GFPT1: variants seen among roughly 807,000 people sequenced by gnomAD.
The protein encoded by GFPT1 is glutamine--fructose-6-phosphate transaminase 1.
Under a neutral mutation model 92.0 loss-of-function variants are expected in GFPT1, and 40 were observed. The ratio of observed to expected loss-of-function variants is 0.43; its 90% CI spans 0.34 to 0.57. The LOEUF is 0.57. Among genes scored for constraint, GFPT1 ranks in the 20% least tolerant of loss-of-function variants. GFPT1 has a pLI of 0.02. For synonymous variants in GFPT1, 269 were observed against 280.6 expected, an observed-to-expected ratio of 0.96 and a Z score of 0.41; for missense variants, 448 against 869.1, an observed-to-expected ratio of 0.52 and a Z score of 6.09.
At position 69,337,926 on chromosome 2, in the gene GFPT1, C is replaced by A; in HGVS notation, c.1454G>T (p.Gly485Val). Reference protein sequence around the residue: ...ETDCGVHINAGPEIGVASTKA... With the variant: ...ETDCGVHINAVPEIGVASTKA... ...TGTACTGGCCACACCAATCTCAGGACCAGCATTAATATGAACTCCACAATC... is the reference window on the plus strand; with the variant it reads ...TGTACTGGCCACACCAATCTCAGGAACAGCATTAATATGAACTCCACAATC... Residue 485 changes from glycine to valine, a missense_variant, in exon 15 of 20, where the codon GGT (glycine) becomes GTT (valine). Physicochemically the swap from Gly to Val is moderately radical, Grantham distance 109. Coordinates refer to ENST00000357308, the MANE Select transcript of GFPT1 (RefSeq NM_001244710.2). The A allele has an allele frequency of 1.2e-6, 2 of 1,613,788 alleles. No homozygotes were observed. Among genetic ancestry groups the A allele is most frequent in the Non-Finnish European group, 1.7e-6 (2 of 1,179,752 alleles).
rs79075853 is a variant in GFPT1, at chr2:69,364,784, C to G, written c.224-1114G>C. On this transcript the variant is annotated intron_variant, in intron 3 of 19. Coordinates refer to ENST00000357308, the MANE Select transcript of GFPT1 (RefSeq NM_001244710.2). Reference sequence around the variant, plus strand: ...GGCAGAGGCGGGTGGGACACAAGGTCAGGAGTCCAAGACCAGCCTTACCAA... The same window carrying G: ...GGCAGAGGCGGGTGGGACACAAGGTGAGGAGTCCAAGACCAGCCTTACCAA... Among the ~76,000 whole-genome samples, 66 of 151,988 alleles carry G rather than the reference C, an allele frequency of 4.3e-4. 2 individuals are homozygous for G. In the East Asian group the frequency reaches 0.012, roughly 28 times the overall value.
intron 15 of GFPT1, among the ~76,000 whole-genome samples, chr2:69,330,687 T>C (rs1267580555): frequency 6.6e-6 from 1 of 152,160 alleles, no homozygotes; most frequent in East Asian, 1.9e-4. Context: ...TTAATAACAC[T>C]TGTGAATATT....
At chr2:69,360,621 TAG>T (rs899219424) in intron 4 of GFPT1, among the ~76,000 whole-genome samples, 8 of 151,990 alleles carry the variant, frequency 5.3e-5, no homozygotes, top group African/African-American at 1.7e-4. Context: ...TATTTTTCTG[TAG>T]AGAGAGTCTC....
At chr2:69,367,344 T>TTTG (rs144120046) in intron 3 of GFPT1, among the ~76,000 whole-genome samples, 64,124 of 150,120 alleles carry the variant, frequency 0.43, 13,766 homozygotes, top group African/African-American at 0.48. Context: ...CAACTTATTT[T>TTTG]TTGTTGTTGT....
chr2:69,374,868 C>T (rs1671835678), intron 1 of GFPT1, among the ~76,000 whole-genome samples: 1 of 152,044 alleles, frequency 6.6e-6, no homozygotes, highest in Non-Finnish European at 1.5e-5. Context: ...ATGAAAAATA[C>T]TCACCCCTTA....
At chr2:69,382,147 A>G (rs1672028323) in intron 1 of GFPT1, among the ~76,000 whole-genome samples, 1 of 152,170 alleles carries the variant, frequency 6.6e-6, no homozygotes, top group Non-Finnish European at 1.5e-5. Flanking sequence ...TACCAGAGGG[A>G]ACCCCACACT....
At chr2:69,384,447 G>A (rs1234487919) in intron 1 of GFPT1, among the ~76,000 whole-genome samples, 1 of 152,084 alleles carries the variant, frequency 6.6e-6, no homozygotes, top group Non-Finnish European at 1.5e-5. Context: ...GCCGGGTAAG[G>A]TGGCTCACTC....
At chr2:69,347,612 G>A (rs1203372631) in intron 11 of GFPT1, among the ~76,000 whole-genome samples, 4 of 151,666 alleles carry the variant, frequency 2.6e-5, no homozygotes, top group African/African-American at 7.3e-5. Context: ...CGAGTAGCTG[G>A]GATTACAGGC....
chr2:69,332,313 C>CTTTTTTTTTT (rs1257559725), intron 15 of GFPT1, among the ~76,000 whole-genome samples: 7 of 134,406 alleles, frequency 5.2e-5, no homozygotes, highest in Non-Finnish European at 8.1e-5. Flanking sequence ...CTTTTCTTTT[C>CTTTTTTTTTT]TTTTTTTTTT....
At chr2:69,326,871 G>A (rs771443409) in intron 19 of GFPT1, 43 bp downstream of exon 19, 1 of 1,591,138 alleles carries the variant, frequency 6.3e-7, no homozygotes, top group South Asian at 1.1e-5. Context: ...ATGTATCCAG[G>A]TAAAAAACCA....
At chr2:69,349,359 C>T (rs762203302) in intron 10 of GFPT1, among the ~76,000 whole-genome samples, 3 of 152,180 alleles carry the variant, frequency 2.0e-5, no homozygotes, top group Non-Finnish European at 4.4e-5. Context: ...TGTAATCTTA[C>T]ACATCTTAGC....
Position 69,387,222 on chromosome 2 carries a change from G to A in GFPT1, c.-151C>T, listed in dbSNP as rs1672152169. 3.9e-6 allele frequency: 3 copies of A among 773,908 alleles called. No homozygotes were observed. Among genetic ancestry groups the A allele is most frequent in the South Asian group, 2.2e-5 (1 of 46,242 alleles). 47.9% of individuals were successfully genotyped at this position (773,908 alleles called of 1,614,324 possible). A position where few individuals can be genotyped will look rare whatever the true frequency, so the allele number is the denominator to read the frequency against. On this transcript the variant is annotated 5_prime_UTR_variant, in exon 1 of 20. Transcript: ENST00000357308. The stretch of plus-strand genomic sequence containing the variant: ...GGATGCGACGGCCAAGGCAACGACA[G>A]CCTTCTCCGCCTCCCGGGCTCCGCC...
chr2:69,334,394 G>C (rs1482667402), intron 15 of GFPT1, among the ~76,000 whole-genome samples: 1 of 151,922 alleles, frequency 6.6e-6, no homozygotes, highest in Non-Finnish European at 1.5e-5. Context: ...AAAAATTAAA[G>C]TCTGTACTAA....
In GFPT1 at chr2:69,374,105, C is replaced by T. The variant is rs1671814890; in HGVS notation, c.16G>A (p.Ala6Thr). The change falls in exon 2 of 20, where the codon GCT (alanine) becomes ACT (threonine). Residue 6 changes from alanine to threonine, a missense_variant. By Grantham distance (58) the Ala-to-Thr change is moderately conservative (BLOSUM62 0). Transcript: ENST00000357308. ...CGAGGAACATGGTAGTTTAAGTAAG[C>T]AAATATACCTGCAAATAAACAAATA... MCGIF[A>T]YLNYHVPRTR... is the part of the protein sequence containing the mutation. 2 of 1,491,102 alleles carry T rather than the reference C, an allele frequency of 1.3e-6. No individual in the cohort carries two copies. The highest frequency in any genetic ancestry group is 1.1e-5 in the South Asian group (1 of 87,354). The allele number at this position is 1,491,102 out of a possible 1,614,324, so 92.4% of individuals were successfully genotyped here.
chr2:69,373,020 G>C (rs945652505), intron 2 of GFPT1, among the ~76,000 whole-genome samples: 2 of 152,190 alleles, frequency 1.3e-5, no homozygotes, highest in Admixed American at 1.3e-4. Flanking sequence ...GGTACATGCT[G>C]GGCAGAGGGT....
At position 69,321,948 on chromosome 2, in the gene GFPT1, G is replaced by A. The variant is rs1670411300; in HGVS notation, c.*4241C>T. Reference sequence around the variant, plus strand: ...TCACTATGATTTTTATTTTAACCCTGGATATTATTGGTTTGAAGCTAATAT... The same window carrying A: ...TCACTATGATTTTTATTTTAACCCTAGATATTATTGGTTTGAAGCTAATAT... On this transcript the variant is annotated 3_prime_UTR_variant, in exon 20 of 20. Coordinates refer to ENST00000357308, the MANE Select transcript of GFPT1 (RefSeq NM_001244710.2). 1 of 152,024 alleles carries A rather than the reference G, an allele frequency of 6.6e-6. No homozygotes were observed. Among genetic ancestry groups the A allele is most frequent in the African/African-American group, 2.4e-5 (1 of 41,396 alleles). The allele number at this position is 152,024 out of a possible 1,614,324, so 9.4% of individuals were successfully genotyped here.
chr2:69,345,754 A>G (rs1671066331), intron 12 of GFPT1, 150 bp downstream of exon 12: 5 of 622,684 alleles, frequency 8.0e-6, no homozygotes, highest in Non-Finnish European at 1.4e-5. Context: ...CACACACTAA[A>G]GAACTTTTTC....
At chr2:69,369,020 C>T (rs1239654028) in intron 3 of GFPT1, among the ~76,000 whole-genome samples, 1 of 152,170 alleles carries the variant, frequency 6.6e-6, no homozygotes, top group Non-Finnish European at 1.5e-5. Flanking sequence ...GGAACTCTCC[C>T]CTGAATCTCA....
intron 15 of GFPT1, among the ~76,000 whole-genome samples, chr2:69,335,449 T>C (rs1670772012): frequency 1.3e-5 from 2 of 150,644 alleles, no homozygotes; most frequent in Admixed American, 6.6e-5. Flanking sequence ...CCAGAAACAT[T>C]TTATGAAAAG....
Sources: allele counts gnomAD v4.1 joint callset (sites outside exome capture counted in the v4.1 genomes callset), GRCh38; gene constraint gnomAD v4.1.1; transcripts MANE v1.5; gene names NCBI Gene and HGNC (gene_info 2026-07-23, HGNC 2026-07-21).